GFPT1: variants seen among roughly 807,000 people sequenced by gnomAD.
GFPT1 encodes the protein glutamine--fructose-6-phosphate aminotransferase [isomerizing] 1.
In GFPT1, 40 loss-of-function variants were observed where a neutral mutation model predicts 92.0. The observed-to-expected ratio is 0.43, with a 90% CI of 0.34 to 0.57. The LOEUF (loss-of-function observed/expected upper bound fraction) is 0.57, where lower values mean the gene tolerates loss of function less well. Ranked by LOEUF, GFPT1 falls within the 20% of genes least tolerant of loss-of-function variation. The pLI, the probability that GFPT1 is intolerant of heterozygous loss-of-function variation, is 0.02. For missense variants in GFPT1, 448 were observed against 869.1 expected, an observed-to-expected ratio of 0.52 and a Z score of 6.09; for synonymous variants, 269 against 280.6, an observed-to-expected ratio of 0.96 and a Z score of 0.41.
intron 4 of GFPT1, among the ~76,000 whole-genome samples, chr2:69,360,414 A>AT (rs1671439963): frequency 6.6e-6 from 1 of 150,716 alleles, no homozygotes; most frequent in South Asian, 2.1e-4. Context: ...TTACTGCTAA[A>AT]TTAAATTTTA....
chr2:69,386,164 G>A (rs1672123382), intron 1 of GFPT1, among the ~76,000 whole-genome samples: 1 of 152,084 alleles, frequency 6.6e-6, no homozygotes, highest in Non-Finnish European at 1.5e-5. Flanking sequence ...AGTCATGTCA[G>A]ACACGATTCT....
chr2:69,384,706 A>AAAAAAAG (rs1410033737), intron 1 of GFPT1, among the ~76,000 whole-genome samples: 1 of 150,974 alleles, frequency 6.6e-6, no homozygotes, highest in Non-Finnish European at 1.5e-5. Flanking sequence ...AAAAAAAAAA[A>AAAAAAAG]AAAAAAGAAA....
chr2:69,341,149 G>A (rs934467769), intron 13 of GFPT1, among the ~76,000 whole-genome samples: 1 of 151,642 alleles, frequency 6.6e-6, no homozygotes, highest in South Asian at 2.1e-4. Context: ...GTAGAGACGG[G>A]GTCTCGCTAT....
intron 1 of GFPT1, among the ~76,000 whole-genome samples, chr2:69,379,141 A>G (rs185155929): frequency 1.6e-3 from 240 of 152,286 alleles, no homozygotes; most frequent in Non-Finnish European, 3.1e-3. Context: ...AATTGTGAAA[A>G]TCTCTCCTTT....
intron 9 of GFPT1, 57 bp from the exon 10 acceptor site, chr2:69,350,240 G>C (rs1294262211): frequency 2.4e-5 from 25 of 1,060,530 alleles, no homozygotes; most frequent in Middle Eastern, 2.0e-4. Context: ...GTCCAATGTA[G>C]AAATATGCAT....
intron 2 of GFPT1, among the ~76,000 whole-genome samples, chr2:69,370,985 G>A (rs1358928262): frequency 1.3e-5 from 2 of 151,842 alleles, no homozygotes; most frequent in African/African-American, 2.4e-5. Flanking sequence ...GGGCGACAGA[G>A]TGAGATTCAT....
intron 1 of GFPT1, among the ~76,000 whole-genome samples, chr2:69,375,675 G>A (rs934365626): frequency 6.6e-6 from 1 of 151,838 alleles, no homozygotes; most frequent in Non-Finnish European, 1.5e-5. Context: ...ATTTTTTTAA[G>A]CTTTCCTGTA....
chr2:69,370,346 C>T (rs1671716380), intron 2 of GFPT1, among the ~76,000 whole-genome samples: 1 of 151,864 alleles, frequency 6.6e-6, no homozygotes, highest in Admixed American at 6.6e-5. Context: ...AGAAGACAGA[C>T]AAGGAAAAAA....
Position 69,338,457 on chromosome 2 carries a change from G to A in GFPT1, c.1312C>T (p.Leu438Phe). 1 of 1,613,136 alleles carries A rather than the reference G, an allele frequency of 6.2e-7. No individual in the cohort carries two copies. Among genetic ancestry groups the A allele is most frequent in the Non-Finnish European group, 8.5e-7 (1 of 1,179,170 alleles). The change falls in exon 14 of 20, where the codon CTT (leucine) becomes TTT (phenylalanine). Residue 438 changes from leucine (L) to phenylalanine (F), a missense_variant. Coordinates refer to ENST00000357308, the MANE Select transcript of GFPT1 (RefSeq NM_001244710.2). ...AAAATTAACACACCTGATTGACTAA[G>A]GAAAAAGCAAACATCATCTCGAAAG... ...PVFRDDVCFF[L>F]SQSGETADTL...
intron 15 of GFPT1, among the ~76,000 whole-genome samples, chr2:69,333,344 C>A (rs2104607699): frequency 6.6e-6 from 1 of 152,324 alleles, no homozygotes; most frequent in Non-Finnish European, 1.5e-5. Context: ...ACCATCTGAA[C>A]ACTAGTTTTT....
At position 69,373,988 on chromosome 2, in the gene GFPT1, G is replaced by C. The variant is rs546864559; in HGVS notation, c.115+18C>G. 6 of 1,086,038 alleles carry C rather than the reference G, an allele frequency of 5.5e-6. No individual in the cohort carries two copies. The East Asian group carries it at 9.5e-5, about 17-fold the overall frequency. The allele number at this position is 1,086,038 out of a possible 1,614,324, so 67.3% of individuals were successfully genotyped here. On this transcript the variant is annotated intron_variant, in intron 2 of 19. Coordinates refer to ENST00000357308, the MANE Select transcript of GFPT1 (RefSeq NM_001244710.2). The stretch of plus-strand genomic sequence containing the variant: ...TTTAAAGAATCATGCAAAATCCATA[G>C]TATTTTTTTTAAAGTACCAGCAGAA...
chr2:69,367,845 C>T lies in GFPT1; in HGVS notation c.223+2156G>A, dbSNP rs369055238. On this transcript the variant is annotated intron_variant, in intron 3 of 19. Coordinates refer to ENST00000357308, the MANE Select transcript of GFPT1 (RefSeq NM_001244710.2). Reference sequence around the variant, plus strand: ...TTCCCATGTAGATATGGCCAGATTGCTCTTTAAAGTGATTTACCAGTTACA... The same window carrying T: ...TTCCCATGTAGATATGGCCAGATTGTTCTTTAAAGTGATTTACCAGTTACA... 9.2e-5 allele frequency among the ~76,000 whole-genome samples: 14 copies of T among 152,276 alleles called. 2 individuals are homozygous for T. The East Asian group carries it at 1.3e-3, about 15-fold the overall frequency.
At chr2:69,328,596 T>C (rs1051573932) in intron 17 of GFPT1, among the ~76,000 whole-genome samples, 158 bp from the exon 18 acceptor site, 2 of 152,110 alleles carry the variant, frequency 1.3e-5, no homozygotes, top group Non-Finnish European at 2.9e-5. Flanking sequence ...AGTTAATAGA[T>C]CACTATTTCT....
rs58220809 is a variant in GFPT1 at position 69,338,802 on chromosome 2, C to CTTTT, written c.1204-241_1204-238dup. Among the ~76,000 whole-genome samples, 1,707 of 131,738 alleles carry CTTTT rather than the reference C, an allele frequency of 0.013. 93 individuals carry two copies. Among genetic ancestry groups the CTTTT allele is most frequent in the African/African-American group, 0.033 (1,138 of 34,606 alleles). The allele number at this position is 131,738 out of a possible 152,430, so 86.4% of individuals were successfully genotyped here. A position where few individuals can be genotyped will look rare whatever the true frequency, so the allele number is the denominator to read the frequency against. On this transcript the variant is annotated intron_variant, in intron 13 of 19. Transcript: ENST00000357308. Reference sequence around the variant, plus strand: ...TAGACAACTATCTATGTATACATTCCTTTTTTTTTTTTTTTTGAGACGGAG... The same window carrying CTTTT: ...TAGACAACTATCTATGTATACATTCCTTTTTTTTTTTTTTTTTTTTGAGACGGAG...
At chr2:69,363,133 G>A (rs1671517003) in intron 4 of GFPT1, among the ~76,000 whole-genome samples, 1 of 152,098 alleles carries the variant, frequency 6.6e-6, no homozygotes, top group Non-Finnish European at 1.5e-5. Flanking sequence ...GTCTCATTCT[G>A]TTGTCCAGGT....
intron 15 of GFPT1, among the ~76,000 whole-genome samples, chr2:69,331,384 T>TTA (rs1670660182): frequency 6.6e-6 from 1 of 152,192 alleles, no homozygotes; most frequent in Non-Finnish European, 1.5e-5. Context: ...AACAAAAAAA[T>TTA]TAGACAAATG....
At chr2:69,374,377 G>A (rs978027895) in intron 1 of GFPT1, among the ~76,000 whole-genome samples, 7 of 150,692 alleles carry the variant, frequency 4.6e-5, no homozygotes, top group Admixed American at 1.3e-4. Flanking sequence ...CCAGCAGCAC[G>A]ATCTCGGCTC....
intron 15 of GFPT1, among the ~76,000 whole-genome samples, chr2:69,334,444 G>A (rs1410863582): frequency 6.6e-6 from 1 of 151,862 alleles, no homozygotes; most frequent in East Asian, 1.9e-4. Flanking sequence ...TAACCACTGG[G>A]GTAATGGGTA....
intron 12 of GFPT1, among the ~76,000 whole-genome samples, chr2:69,344,322 A>G (rs1671029269): frequency 6.6e-6 from 1 of 152,066 alleles, no homozygotes; most frequent in African/African-American, 2.4e-5. Flanking sequence ...AGTCCTAGAA[A>G]TTTCTGGTGG....
Sources: gnomAD v4.1 joint callset for allele counts (sites outside exome capture counted in the v4.1 genomes callset) on GRCh38, gnomAD v4.1.1 for gene constraint, MANE v1.5 for transcripts, NCBI Gene and HGNC (gene_info 2026-07-23, HGNC 2026-07-21) for gene names.